ZNF83: variants seen among roughly 807,000 people sequenced by gnomAD.
ZNF83 encodes the protein zinc finger protein 816B.
For synonymous variants in ZNF83, 209 were observed against 213.0 expected (o/e 0.98, Z 0.17); for missense variants, 552 against 629.9 (o/e 0.88, Z 1.32).
chr19:52,677,175 AAAAAAC>A lies in ZNF83; in HGVS notation c.-283+13262_-283+13267del, dbSNP rs995944947. Among the ~76,000 whole-genome samples, 14 of 151,972 alleles carry A rather than the reference AAAAAAC, an allele frequency of 9.2e-5. 1 individual carries two copies. The highest frequency in any genetic ancestry group is 4.2e-4 in the South Asian group (2 of 4,814). ...AAAATAAAGGAAGAAGATACAATCA[AAAAAAC>A]AAAAACAAAAACAAAACAATCAAAA... On this transcript the variant is annotated intron_variant, in intron 1 of 5. Coordinates refer to the ZNF83 transcript ENST00000594682.
intron 1 of ZNF83, among the ~76,000 whole-genome samples, chr19:52,668,527 T>C (rs1446330586): frequency 6.6e-6 from 1 of 152,084 alleles, no homozygotes; most frequent in East Asian, 1.9e-4. Context: ...TTCTTTAGGG[T>C]GTGCTTTTTT....
intron 2 of ZNF83, among the ~76,000 whole-genome samples, chr19:52,657,554 A>G (rs1327356272): frequency 6.6e-6 from 1 of 152,182 alleles, no homozygotes; most frequent in Non-Finnish European, 1.5e-5. Flanking sequence ...TTTTTAAAAA[A>G]GGCCAGGCAT....
chr19:52,668,458 C>T (rs1855381299), intron 1 of ZNF83, among the ~76,000 whole-genome samples: 2 of 152,134 alleles, frequency 1.3e-5, no homozygotes. Flanking sequence ...AACTCTAACC[C>T]AACTTTAGAG....
intron 2 of ZNF83, 123 bp downstream of exon 2, chr19:52,634,943 G>C: frequency 1.3e-6 from 1 of 750,170 alleles, no homozygotes; most frequent in South Asian, 1.6e-5. Context: ...GGAAGGCATG[G>C]GTGAGTGTGA....
chr19:52,681,998 C>T lies in ZNF83; in HGVS notation c.-283+8445G>A, dbSNP rs185552106. On this transcript the variant is annotated intron_variant, in intron 1 of 5. Coordinates refer to the ZNF83 transcript ENST00000594682. Reference sequence around the variant, plus strand: ...AAGTAGCTGGGATTACAGGCACCTGCCACCACACCCAGCTAATTTTTGTAT... The same window carrying T: ...AAGTAGCTGGGATTACAGGCACCTGTCACCACACCCAGCTAATTTTTGTAT... 1.1e-3 allele frequency among the ~76,000 whole-genome samples: 171 copies of T among 152,254 alleles called. 1 individual carries two copies. Among genetic ancestry groups the T allele is most frequent in the Non-Finnish European group, 7.4e-5 (5 of 68,018 alleles).
chr19:52,680,698 C>T lies in ZNF83; in HGVS notation c.-283+9745G>A, dbSNP rs560757276. Among the ~76,000 whole-genome samples the T allele has an allele frequency of 4.4e-3, 619 of 141,760 alleles. 3 individuals are homozygous for T. Among genetic ancestry groups the T allele is most frequent in the African/African-American group, 0.016 (544 of 34,826 alleles). 93.0% of individuals were successfully genotyped at this position (141,760 alleles called of 152,430 possible). A position where few individuals can be genotyped will look rare whatever the true frequency, so the allele number is the denominator to read the frequency against. On this transcript the variant is annotated intron_variant, in intron 1 of 5. Coordinates refer to the ZNF83 transcript ENST00000594682. ...CGCGATCTCGGCTCACTGCAAGCTC[C>T]GCCTCCCGGGTTCACGCCATTCTCC...
exon 3 of ZNF83, chr19:52,614,389 A>G: frequency 1.2e-6 from 2 of 1,613,092 alleles, no homozygotes; most frequent in South Asian, 1.1e-5. Flanking sequence ...AGTAGAAGAA[A>G]TACGTTGGGG....
At chr19:52,676,606 A>G (rs1257222048) in intron 1 of ZNF83, among the ~76,000 whole-genome samples, 12 of 150,070 alleles carry the variant, frequency 8.0e-5, no homozygotes, top group Non-Finnish European at 1.0e-4. Context: ...CTGCCTGGCC[A>G]CCACCCCGTC....
At chr19:52,613,010 C>T (rs1397031613) in exon 3 of ZNF83, 1 of 1,578,160 alleles carries the variant, frequency 6.3e-7, no homozygotes, top group Admixed American at 1.8e-5. Context: ...AACACTCTGC[C>T]ACATTAATTA....
chr19:52,687,884 A>G (rs2062074175), intron 1 of ZNF83, among the ~76,000 whole-genome samples: 1 of 151,242 alleles, frequency 6.6e-6, no homozygotes, highest in Non-Finnish European at 1.5e-5. Context: ...TTTTTGTTGC[A>G]CTTCACTGCC....
intron 1 of ZNF83, among the ~76,000 whole-genome samples, chr19:52,678,151 A>G (rs1201048335): frequency 6.6e-6 from 1 of 152,074 alleles, no homozygotes; most frequent in Non-Finnish European, 1.5e-5. Flanking sequence ...AAATGGTTGC[A>G]TATGAAAATT....
intron 1 of ZNF83, among the ~76,000 whole-genome samples, chr19:52,662,368 CAG>C (rs2061591730): frequency 6.6e-6 from 1 of 152,070 alleles, no homozygotes; most frequent in Non-Finnish European, 1.5e-5. Context: ...AATATCCCAG[CAG>C]AGAGCTGAGG....
At chr19:52,656,425 C>T (rs555879174) in intron 2 of ZNF83, among the ~76,000 whole-genome samples, 2 of 151,934 alleles carry the variant, frequency 1.3e-5, no homozygotes, top group Admixed American at 6.6e-5. Flanking sequence ...TTTGGGAAGC[C>T]GAGGCAGGGG....
At chr19:52,664,165 G>A (rs1275110596) in intron 1 of ZNF83, among the ~76,000 whole-genome samples, 1 of 150,116 alleles carries the variant, frequency 6.7e-6, no homozygotes, top group Admixed American at 6.7e-5. Context: ...TTACAGGTGT[G>A]AGCCACTGCA....
chr19:52,674,688 A>G (rs550835010), intron 1 of ZNF83, among the ~76,000 whole-genome samples: 1 of 152,162 alleles, frequency 6.6e-6, no homozygotes, highest in African/African-American at 2.4e-5. Context: ...TTAAACTAAG[A>G]TATACTTAGG....
At chr19:52,625,309 A>G (rs2060698538) in intron 2 of ZNF83, among the ~76,000 whole-genome samples, 1 of 152,148 alleles carries the variant, frequency 6.6e-6, no homozygotes, top group Non-Finnish European at 1.5e-5. Flanking sequence ...CCATGCTGTT[A>G]TATGGGCTGA....
At chr19:52,637,721 G>GGGGGCT (rs1309081662) in intron 1 of ZNF83, among the ~76,000 whole-genome samples, 9 of 152,134 alleles carry the variant, frequency 5.9e-5, no homozygotes, top group African/African-American at 1.9e-4. Flanking sequence ...CTCGTTTTCC[G>GGGGGCT]GGGGCTGGAG....
intron 1 of ZNF83, among the ~76,000 whole-genome samples, chr19:52,684,238 C>T (rs1276839030): frequency 6.6e-6 from 1 of 152,004 alleles, no homozygotes; most frequent in Non-Finnish European, 1.5e-5. Flanking sequence ...GCTTGGTGGG[C>T]ATCTGTAATC....
At chr19:52,643,906 A>G (rs1415456161) in intron 3 of ZNF83, among the ~76,000 whole-genome samples, 1 of 152,160 alleles carries the variant, frequency 6.6e-6, no homozygotes, top group Non-Finnish European at 1.5e-5. Context: ...TTGGGAAAAG[A>G]GAAAAGCAAC....
Sources: gnomAD v4.1 joint callset for allele counts (sites outside exome capture counted in the v4.1 genomes callset) on GRCh38, gnomAD v4.1.1 for gene constraint, MANE v1.5 for transcripts, NCBI Gene and HGNC (gene_info 2026-07-23, HGNC 2026-07-21) for gene names.